BASP1: variants seen among roughly 807,000 people sequenced by gnomAD.
The protein encoded by BASP1 is brain abundant membrane attached signal protein 1, also known as brain acid soluble protein 1.
Under a neutral mutation model 2.2 loss-of-function variants are expected in BASP1, and 1 was observed. That is an observed-to-expected ratio of 0.46 (90% CI 0.16 to 2.17). BASP1 has a LOEUF of 2.17. Ranked by LOEUF, BASP1 falls within the 30% of genes most tolerant of loss-of-function variation. The pLI, the probability that BASP1 is intolerant of heterozygous loss-of-function variation, is 0.27. For missense variants in BASP1, 352 were observed against 327.2 expected (o/e 1.08, Z -0.58); for synonymous variants, 187 against 154.2 (o/e 1.21, Z -1.58).
chr5:17,275,715 G>T lies in BASP1; in HGVS notation c.499G>T (p.Ala167Ser). Residue 167 changes from alanine to serine, a missense_variant, in exon 2 of 2, where the codon GCC becomes TCC. By Grantham distance (99) the Ala-to-Ser change is moderately conservative. Transcript: ENST00000322611. This position sits in a 1 kb window ranked among gnomAD's most constrained non-coding sequence, Gnocchi z 5.3. ...CGCCCAGGAGACCAAAAGTGACGGG[G>T]CCCCAGCTTCAGACTCAAAACCCGG... is the stretch of plus-strand genomic sequence containing the variant. Reference protein sequence around the residue: ...PAAQETKSDGAPASDSKPGSS... With the variant: ...PAAQETKSDGSPASDSKPGSS... 6.2e-7 allele frequency: 1 copy of T among 1,608,272 alleles called. No homozygotes were observed. Among genetic ancestry groups the T allele is most frequent in the East Asian group, 2.2e-5 (1 of 44,678 alleles).
At chr5:17,235,993 CCAACA>C (rs1254735541) in intron 1 of BASP1, among the ~76,000 whole-genome samples, 2 of 152,124 alleles carry the variant, frequency 1.3e-5, no homozygotes, top group African/African-American at 4.8e-5. Context: ...TGAATGTGGC[CCAACA>C]CCAGTTTGCA....
intron 1 of BASP1, among the ~76,000 whole-genome samples, chr5:17,225,226 G>A (rs1561163939): frequency 6.6e-6 from 1 of 150,848 alleles, no homozygotes; most frequent in Non-Finnish European, 1.5e-5. Flanking sequence ...TGTCTGCAAC[G>A]TAAAACTTTT....
intron 1 of BASP1, among the ~76,000 whole-genome samples, chr5:17,247,991 A>G (rs1193623904): frequency 6.6e-6 from 1 of 152,184 alleles, no homozygotes; most frequent in Admixed American, 6.5e-5. Context: ...TAGACTGGCC[A>G]TAGCCCAGGG....
In BASP1 at chr5:17,275,167, C is replaced by A. The variant is rs760150605; in HGVS notation, c.-9-41C>A. ...AGCTTTTTGTGGTCCCCACACTTGCCTAGTAACCGCCGTTTTGTTTTGTTT... is the reference window on the plus strand; with the variant it reads ...AGCTTTTTGTGGTCCCCACACTTGCATAGTAACCGCCGTTTTGTTTTGTTT... On this transcript the variant is annotated intron_variant, in intron 1 of 1. Coordinates refer to ENST00000322611, the MANE Select transcript of BASP1 (RefSeq NM_006317.5). The surrounding 1 kb of genome is among the most constrained non-coding windows in gnomAD (Gnocchi z 5.3). The A allele has an allele frequency of 1.1e-5, 18 of 1,601,210 alleles. No homozygotes were observed. In the South Asian group the frequency reaches 1.8e-4, roughly 16 times the overall value.
intron 1 of BASP1, among the ~76,000 whole-genome samples, chr5:17,242,021 A>C (rs1379948722): frequency 6.6e-6 from 1 of 152,096 alleles, no homozygotes; most frequent in Non-Finnish European, 1.5e-5. Context: ...GGATATCTCT[A>C]AAAGAAAACA....
intron 1 of BASP1, among the ~76,000 whole-genome samples, chr5:17,234,789 G>A (rs1162720498): frequency 1.3e-5 from 2 of 152,188 alleles, no homozygotes; most frequent in African/African-American, 4.8e-5. Context: ...TAGTCATTAA[G>A]TTTACTACTC....
intron 1 of BASP1, among the ~76,000 whole-genome samples, chr5:17,271,944 G>A (rs1210762507): frequency 6.6e-6 from 1 of 151,908 alleles, no homozygotes; most frequent in East Asian, 1.9e-4. Flanking sequence ...GCAGGCTCCT[G>A]TAATCTCAGC....
rs1234781963 is a variant in BASP1, at chr5:17,275,620, C to T, written c.404C>T (p.Pro135Leu). Residue 135 changes from proline to leucine, a missense_variant, in exon 2 of 2, where the codon CCT (proline) becomes CTT (leucine). Coordinates refer to ENST00000322611, the MANE Select transcript of BASP1 (RefSeq NM_006317.5). The surrounding 1 kb of genome is among the most constrained non-coding windows in gnomAD (Gnocchi z 5.3). ...GCGGCCCCGGCCGAGAGCGCGGCCC[C>T]TGCCGCCGGGGAGGAGCCCAGCAAG... is the stretch of plus-strand genomic sequence containing the variant. ...AAAAPAESAA[P>L]AAGEEPSKEE... 2 of 1,478,570 alleles carry T rather than the reference C, an allele frequency of 1.4e-6. No homozygotes were observed. Among genetic ancestry groups the T allele is most frequent in the Non-Finnish European group, 1.8e-6 (2 of 1,117,878 alleles). 91.6% of individuals were successfully genotyped at this position (1,478,570 alleles called of 1,614,324 possible).
intron 1 of BASP1, among the ~76,000 whole-genome samples, chr5:17,263,061 A>G (rs1470180995): frequency 6.6e-6 from 1 of 152,024 alleles, no homozygotes; most frequent in Non-Finnish European, 1.5e-5. Context: ...ATTAGCCAGG[A>G]TGGTCTCGAT....
At chr5:17,227,591 A>G (rs1009621350) in intron 1 of BASP1, among the ~76,000 whole-genome samples, 4 of 151,810 alleles carry the variant, frequency 2.6e-5, no homozygotes, top group African/African-American at 9.7e-5. Context: ...TTTAGTAGAG[A>G]TGGGGTTTCA....
chr5:17,243,956 G>A lies in BASP1; in HGVS notation c.-10+26146G>A, dbSNP rs539960249. On this transcript the variant is annotated intron_variant, in intron 1 of 1. Transcript: ENST00000322611. ...AAGTGCAATAAGTCACGGGTACTAT[G>A]TGAAATTGGATAAAGATAATTTTTT... Among the ~76,000 whole-genome samples, 40 of 152,336 alleles carry A rather than the reference G, an allele frequency of 2.6e-4. No individual in the cohort carries two copies. In the South Asian group the frequency reaches 8.1e-3, roughly 31 times the overall value.
rs2126496866 is a variant in BASP1 at position 17,236,657 on chromosome 5, G to A, written c.-10+18847G>A. On this transcript the variant is annotated intron_variant, in intron 1 of 1. Transcript: ENST00000322611. This position sits in a 1 kb window ranked among gnomAD's most constrained non-coding sequence, Gnocchi z 4.0. ...GCTACTGAATATATCCTGAGAGCAG[G>A]TCCTAAGAGTTTATTTTTCATGTTA... Among the ~76,000 whole-genome samples the A allele has an allele frequency of 6.6e-6, 1 of 152,210 alleles. No individual in the cohort carries two copies. The highest frequency in any genetic ancestry group is 2.4e-5 in the African/African-American group (1 of 41,514).
chr5:17,255,105 A>G (rs979124872), intron 1 of BASP1, among the ~76,000 whole-genome samples: 3 of 152,144 alleles, frequency 2.0e-5, no homozygotes, highest in African/African-American at 7.2e-5. Context: ...ATTTGGACCC[A>G]TTGTTCCAAA....
At chr5:17,233,843 T>C (rs955617297) in intron 1 of BASP1, among the ~76,000 whole-genome samples, 37 of 151,738 alleles carry the variant, frequency 2.4e-4, no homozygotes, top group Middle Eastern at 3.4e-3. Flanking sequence ...AACTGGAAAA[T>C]ACAGGCCGGG....
intron 1 of BASP1, among the ~76,000 whole-genome samples, chr5:17,253,714 CA>C (rs1740146183): frequency 6.6e-6 from 1 of 152,040 alleles, no homozygotes; most frequent in South Asian, 2.1e-4. Context: ...CCTCAATTAC[CA>C]AATTGAGAAG....
intron 1 of BASP1, among the ~76,000 whole-genome samples, chr5:17,257,828 A>C (rs1740244465): frequency 6.6e-6 from 1 of 152,234 alleles, no homozygotes; most frequent in South Asian, 2.1e-4. Flanking sequence ...CTCACAGGGC[A>C]GGCTATAAAC....
intron 1 of BASP1, among the ~76,000 whole-genome samples, chr5:17,253,341 G>A (rs908365035): frequency 1.3e-5 from 2 of 152,148 alleles, no homozygotes; most frequent in Admixed American, 6.5e-5. Context: ...CTTCCCAGTA[G>A]CTGGGACTAC....
chr5:17,253,128 G>GT (rs148211508), intron 1 of BASP1, among the ~76,000 whole-genome samples: 5,934 of 150,454 alleles, frequency 0.039, 202 homozygotes, highest in African/African-American at 0.082. Context: ...TAATCAATTG[G>GT]TTTTTTTTTC....
chr5:17,270,258 C>T (rs913884985), intron 1 of BASP1, among the ~76,000 whole-genome samples: 5 of 152,160 alleles, frequency 3.3e-5, no homozygotes, highest in African/African-American at 1.2e-4. Context: ...CCTCGGCCTC[C>T]CAAAGTGCTA....
Sources: allele counts gnomAD v4.1 joint callset (sites outside exome capture counted in the v4.1 genomes callset), GRCh38; gene constraint gnomAD v4.1.1; non-coding constraint Gnocchi (gnomAD v3.1); transcripts MANE v1.5; gene names NCBI Gene and HGNC (gene_info 2026-07-23, HGNC 2026-07-21).